The following LRRC49 variants were observed in gnomAD, a reference collection of about 807,000 sequenced individuals.
LRRC49 encodes the protein leucine rich repeat containing 49, also known as leucine-rich repeat-containing protein 49.
In LRRC49, 50 loss-of-function variants were observed where a neutral mutation model predicts 83.3. The ratio of observed to expected loss-of-function variants is 0.60; its 90% CI spans 0.48 to 0.76. The LOEUF (loss-of-function observed/expected upper bound fraction) is 0.76. Ranked by LOEUF, LRRC49 falls within the 30% of genes least tolerant of loss-of-function variation. LRRC49 has a pLI of 0.00. For synonymous variants in LRRC49, 286 were observed against 283.3 expected (o/e 1.01, Z -0.10); for missense variants, 704 against 809.1 (o/e 0.87, Z 1.58).
At chr15:70,966,690 C>A (rs2036807208) in intron 9 of LRRC49, among the ~76,000 whole-genome samples, 1 of 151,976 alleles carries the variant, frequency 6.6e-6, no homozygotes, top group African/African-American at 2.4e-5. Flanking sequence ...TTGTTTGGAC[C>A]AAACTACTTA....
At chr15:70,865,261 A>G (rs1404066649) in intron 1 of LRRC49, among the ~76,000 whole-genome samples, 2 of 152,222 alleles carry the variant, frequency 1.3e-5, no homozygotes, top group African/African-American at 4.8e-5. Flanking sequence ...GGTTGAAATA[A>G]TAATAAAATG....
intron 11 of LRRC49, among the ~76,000 whole-genome samples, chr15:70,992,227 G>GT (rs971969366): frequency 1.4e-4 from 22 of 152,136 alleles, no homozygotes; most frequent in African/African-American, 5.1e-4. Context: ...TTTTCTCAAG[G>GT]TTTTTAGCTT....
At chr15:70,979,701 C>G (rs1156787831) in intron 9 of LRRC49, among the ~76,000 whole-genome samples, 1 of 151,996 alleles carries the variant, frequency 6.6e-6, no homozygotes, top group Non-Finnish European at 1.5e-5. Context: ...TTCTGATTTT[C>G]TATCACAGAT....
intron 7 of LRRC49, among the ~76,000 whole-genome samples, chr15:70,931,721 T>G (rs954652360): frequency 5.3e-5 from 8 of 152,318 alleles, no homozygotes; most frequent in African/African-American, 1.9e-4. Context: ...ATCTGTTGCC[T>G]GAAAGTTCTA....
At chr15:70,858,319 C>T (rs1166430091) in intron 1 of LRRC49, among the ~76,000 whole-genome samples, 1 of 152,176 alleles carries the variant, frequency 6.6e-6, no homozygotes, top group Admixed American at 6.5e-5. Context: ...CAGGGTCTCA[C>T]AGCTGGGTGC....
At chr15:70,943,000 CT>C (rs1418713176) in intron 8 of LRRC49, among the ~76,000 whole-genome samples, 3 of 152,022 alleles carry the variant, frequency 2.0e-5, no homozygotes, top group Non-Finnish European at 2.9e-5. Flanking sequence ...GTTACAGTGA[CT>C]TTTTTTCTCG....
intron 1 of LRRC49, among the ~76,000 whole-genome samples, chr15:70,864,801 A>G (rs2032875567): frequency 6.6e-6 from 1 of 152,152 alleles, no homozygotes; most frequent in Admixed American, 6.5e-5. Flanking sequence ...TCTCAGTTTC[A>G]GTTTGGGTTC....
chr15:71,036,577 T>C (rs2039526326), intron 14 of LRRC49, among the ~76,000 whole-genome samples: 1 of 152,174 alleles, frequency 6.6e-6, no homozygotes, highest in Non-Finnish European at 1.5e-5. Context: ...GCTCTGTAAG[T>C]GATACTATGA....
upstream of LRRC49, among the ~76,000 whole-genome samples, chr15:70,888,328 G>C (rs544818513): frequency 6.6e-6 from 1 of 152,288 alleles, no homozygotes; most frequent in East Asian, 1.9e-4. Context: ...AAACAGATAA[G>C]TGAAACAGAA....
intron 14 of LRRC49, among the ~76,000 whole-genome samples, chr15:71,034,743 A>T (rs2039467652): frequency 6.6e-6 from 1 of 152,216 alleles, no homozygotes; most frequent in Non-Finnish European, 1.5e-5. Context: ...CCTTGCAAGG[A>T]CATGGATGAT....
In LRRC49 at chr15:71,049,749, G is replaced by C; in HGVS notation, c.*137G>C. On this transcript the variant is annotated 3_prime_UTR_variant, in exon 16 of 16. Transcript: ENST00000260382. ...TAGTATAAAAGCATTATTGCCCACT[G>C]TTCTCATAGCTAAAAGTTAAGAAGG... The C allele has an allele frequency of 1.7e-6, 1 of 593,048 alleles. No individual in the cohort carries two copies. Among genetic ancestry groups the C allele is most frequent in the East Asian group, 2.9e-5 (1 of 34,642 alleles). 36.7% of individuals were successfully genotyped at this position (593,048 alleles called of 1,614,324 possible). A position where few individuals can be genotyped will look rare whatever the true frequency, so the allele number is the denominator to read the frequency against.
At position 70,984,222 on chromosome 15, in the gene LRRC49, T is replaced by C. The variant is rs778557674; in HGVS notation, c.1134T>C (p.Asp378=). Residue 378 remains aspartate, a synonymous_variant, in exon 11 of 16, where the codon GAT becomes GAC. Coordinates refer to ENST00000260382, the MANE Select transcript of LRRC49 (RefSeq NM_017691.5). ...SDSPQDPCQI[D]GSTLSAFPEE... The stretch of plus-strand genomic sequence containing the variant: ...CTCCTCAGGACCCCTGTCAGATTGA[T>C]GGAAGCACCCTCTCTGCATTCCCAG... 3.1e-6 allele frequency: 5 copies of C among 1,613,124 alleles called. No individual in the cohort carries two copies. Among genetic ancestry groups the C allele is most frequent in the South Asian group, 2.2e-5 (2 of 90,924 alleles).
chr15:70,869,731 A>T (rs560332367), intron 1 of LRRC49, among the ~76,000 whole-genome samples: 1 of 152,324 alleles, frequency 6.6e-6, no homozygotes, highest in Non-Finnish European at 1.5e-5. Context: ...GGTTGTAAAT[A>T]TTAAACTGTA....
Position 71,008,539 on chromosome 15 carries a change from G to T in LRRC49, c.1330G>T (p.Val444Phe). The change falls in exon 12 of 16, where the codon GTC (valine) becomes TTC (phenylalanine). Residue 444 changes from valine (V) to phenylalanine (F), a missense_variant. This residue lies in a region of LRRC49 where 275 missense variants were observed against 338.0 expected (regional missense o/e 0.81). Coordinates refer to ENST00000260382, the MANE Select transcript of LRRC49 (RefSeq NM_017691.5). ...SVQTAGMITT[V>F]SFTFIEFDEI... ...TCAAACAGCAGGAATGATCACAACA[G>T]TCTCCTTCACTTTCATAGAATTTGA... 6.2e-7 allele frequency: 1 copy of T among 1,612,688 alleles called. No homozygotes were observed. The highest frequency in any genetic ancestry group is 8.5e-7 in the Non-Finnish European group (1 of 1,179,114).
intron 7 of LRRC49, among the ~76,000 whole-genome samples, chr15:70,932,361 T>C (rs1284195863): frequency 6.6e-6 from 1 of 152,230 alleles, no homozygotes; most frequent in African/African-American, 2.4e-5. Context: ...ATTAATTTAA[T>C]AAGTCTTTTT....
At chr15:70,983,019 A>T (rs2037460590) in intron 10 of LRRC49, among the ~76,000 whole-genome samples, 1 of 152,126 alleles carries the variant, frequency 6.6e-6, no homozygotes, top group Non-Finnish European at 1.5e-5. Context: ...GCAGGTGAAG[A>T]GGGGTCAGTA....
rs752708142 is a variant in LRRC49, at chr15:70,904,709, C to A, written c.454C>A (p.Leu152Ile). The change falls in exon 5 of 16, where the codon CTT (leucine) becomes ATT (isoleucine). Residue 152 changes from leucine to isoleucine, a missense_variant. Leu to Ile is a conservative substitution (Grantham distance 5, BLOSUM62 2). Around this residue, in one of 3 missense-constraint regions of LRRC49, gnomAD observed 261 missense variants for 330.5 expected, o/e 0.79. Transcript: ENST00000260382. ...YDNQIEEISG[L>I]STLRCLRVLL... ...TAACCAGATTGAAGAAATTAGTGGG[C>A]TTTCGACTCTGAGATGTCTTCGTGT... The A allele has an allele frequency of 1.3e-5, 21 of 1,613,528 alleles. No homozygotes were observed. Among genetic ancestry groups the A allele is most frequent in the Non-Finnish European group, 1.6e-5 (19 of 1,179,718 alleles).
chr15:70,969,990 C>T (rs1167963210), intron 9 of LRRC49, among the ~76,000 whole-genome samples: 1 of 152,122 alleles, frequency 6.6e-6, no homozygotes, highest in African/African-American at 2.4e-5. Flanking sequence ...CCTGATTGCC[C>T]TGGCCGGAAC....
rs118123062 is a variant in LRRC49, at chr15:70,938,841, C to G, written c.773+2019C>G. Among the ~76,000 whole-genome samples the G allele has an allele frequency of 5.8e-3, 889 of 152,186 alleles. 36 individuals carry two copies. The East Asian group carries it at 0.097, about 17-fold the overall frequency. On this transcript the variant is annotated intron_variant, in intron 8 of 15. Coordinates refer to ENST00000260382, the MANE Select transcript of LRRC49 (RefSeq NM_017691.5). Reference sequence around the variant, plus strand: ...TAAAAATGCAGCTGACTTAAAAATACCAGTGGTCTGTGTTATTCAAACTTC... The same window carrying G: ...TAAAAATGCAGCTGACTTAAAAATAGCAGTGGTCTGTGTTATTCAAACTTC...
Sources: gnomAD v4.1 joint callset for allele counts (sites outside exome capture counted in the v4.1 genomes callset) on GRCh38, gnomAD v4.1.1 for gene constraint, gnomAD v4.1.1 regional missense constraint, MANE v1.5 for transcripts, NCBI Gene and HGNC (gene_info 2026-07-23, HGNC 2026-07-21) for gene names.